ZEB1: variants seen among roughly 807,000 people sequenced by gnomAD.
ZEB1 encodes the protein zinc finger E-box-binding homeobox 1.
In ZEB1, 21 loss-of-function variants were observed where a neutral mutation model predicts 84.9. That is an observed-to-expected ratio of 0.25 (90% CI 0.18 to 0.36). ZEB1 has a LOEUF of 0.36. Among genes scored for constraint, ZEB1 ranks in the 10% least tolerant of loss-of-function variants. The pLI, the probability that ZEB1 is intolerant of heterozygous loss-of-function variation, is 1.00. For missense variants in ZEB1, 1,104 were observed against 1,330.2 expected (o/e 0.83, Z 2.65); for synonymous variants, 420 against 471.1 (o/e 0.89, Z 1.41).
intron 1 of ZEB1, among the ~76,000 whole-genome samples, chr10:31,449,001 C>T (rs2060177354): frequency 1.3e-5 from 2 of 152,244 alleles, no homozygotes; most frequent in East Asian, 1.9e-4. Context: ...GGCGGGCGCC[C>T]CTCCCCCAGC....
At chr10:31,339,483 T>C (rs1465679475) in intron 1 of ZEB1, among the ~76,000 whole-genome samples, 3 of 152,064 alleles carry the variant, frequency 2.0e-5, no homozygotes, top group Admixed American at 6.6e-5. Flanking sequence ...TAAGAACCTA[T>C]ATAAGGCCAG....
In ZEB1 at chr10:31,382,101, C is replaced by T. The variant is rs550629035; in HGVS notation, c.58+62809C>T. On this transcript the variant is annotated intron_variant, in intron 1 of 8. Transcript: ENST00000424869. ...GAGTCAAGAGACATGGCCTGGATCC[C>T]GTGACTTACACAAATCCCTGTGGCT... Among the ~76,000 whole-genome samples the T allele has an allele frequency of 2.6e-5, 4 of 151,780 alleles. No individual in the cohort carries two copies. The South Asian group carries it at 8.4e-4, about 32-fold the overall frequency.
intron 1 of ZEB1, among the ~76,000 whole-genome samples, chr10:31,364,776 CT>C (rs2044133857): frequency 6.6e-6 from 1 of 152,250 alleles, no homozygotes; most frequent in Non-Finnish European, 1.5e-5. Context: ...GATTCCACAG[CT>C]GGCGCTCTGG....
At chr10:31,322,249 A>G (rs965657172) in intron 1 of ZEB1, among the ~76,000 whole-genome samples, 2 of 152,234 alleles carry the variant, frequency 1.3e-5, no homozygotes, top group Non-Finnish European at 2.9e-5. Flanking sequence ...ACCTCAGTAT[A>G]TGTGCTGGTT....
At position 31,527,055 on chromosome 10, in the gene ZEB1, T is replaced by C. The variant is rs771715739; in HGVS notation, c.3169T>C (p.Cys1057Arg). Reference protein sequence around the residue: ...EMEELQEEKECEKPQGDEEEE... With the variant: ...EMEELQEEKEREKPQGDEEEE... ...GGAAGAATTGCAGGAAGAAAAAGAA[T>C]GTGAAAAACCACAAGGGGATGAGGA... The change falls in exon 9 of 9, where the codon TGT becomes CGT. Residue 1057 changes from cysteine (C) to arginine (R), a missense_variant. Coordinates refer to ENST00000424869, the MANE Select transcript of ZEB1 (RefSeq NM_001174096.2). The C allele has an allele frequency of 1.1e-5, 18 of 1,582,342 alleles. No individual in the cohort carries two copies. The highest frequency in any genetic ancestry group is 1.5e-5 in the Non-Finnish European group (17 of 1,162,732).
chr10:31,471,930 T>A (rs1216194060), intron 2 of ZEB1, among the ~76,000 whole-genome samples: 16 of 140,574 alleles, frequency 1.1e-4, no homozygotes, highest in Admixed American at 1.1e-3. Flanking sequence ...CTCAACTACA[T>A]GGAAACTGAA....
intron 1 of ZEB1, among the ~76,000 whole-genome samples, chr10:31,382,038 A>C (rs1273070079): frequency 6.7e-6 from 1 of 148,434 alleles, no homozygotes; most frequent in Non-Finnish European, 1.5e-5. Flanking sequence ...AAAAAAACAA[A>C]GTAAATTTCC....
intron 1 of ZEB1, chr10:31,387,364 T>G (rs185547300): frequency 3.9e-4 from 373 of 958,030 alleles, no homozygotes; most frequent in Middle Eastern, 3.2e-3. Flanking sequence ...CTTCAGACGT[T>G]CGCACAGAAG....
chr10:31,337,683 GTTTT>G (rs756379165), intron 1 of ZEB1, among the ~76,000 whole-genome samples: 6 of 98,796 alleles, frequency 6.1e-5, no homozygotes, highest in South Asian at 3.6e-4. Flanking sequence ...ATTTCTTTCT[GTTTT>G]TTTTTTTTTT....
intron 1 of ZEB1, among the ~76,000 whole-genome samples, chr10:31,426,413 C>T (rs1246491848): frequency 4.6e-5 from 7 of 152,188 alleles, no homozygotes; most frequent in Admixed American, 2.6e-4. Flanking sequence ...TTCATTGACT[C>T]GTAGTTCCTT....
rs978775046 is a variant in ZEB1 at position 31,527,662 on chromosome 10, C to T, written c.*398C>T. Reference sequence around the variant, plus strand: ...ATTATCACTCTTATGTTGGTTTATTCTTAAGCTGTACAATTGGGAGAAATT... The same window carrying T: ...ATTATCACTCTTATGTTGGTTTATTTTTAAGCTGTACAATTGGGAGAAATT... On this transcript the variant is annotated 3_prime_UTR_variant, in exon 9 of 9. Transcript: ENST00000424869. 5.7e-6 allele frequency: 1 copy of T among 176,798 alleles called. No individual in the cohort carries two copies. Among genetic ancestry groups the T allele is most frequent in the African/African-American group, 2.4e-5 (1 of 41,896 alleles). The allele number at this position is 176,798 out of a possible 1,614,324, so 11.0% of individuals were successfully genotyped here. A position where few individuals can be genotyped will look rare whatever the true frequency, so the allele number is the denominator to read the frequency against.
chr10:31,401,852 A>G (rs1292537756), intron 1 of ZEB1, among the ~76,000 whole-genome samples: 4 of 152,154 alleles, frequency 2.6e-5, no homozygotes, highest in Non-Finnish European at 5.9e-5. Flanking sequence ...TCCAACCATA[A>G]TAGGCAGTGG....
chr10:31,333,115 G>A (rs1245030823), intron 1 of ZEB1, among the ~76,000 whole-genome samples: 1 of 152,028 alleles, frequency 6.6e-6, no homozygotes, highest in Non-Finnish European at 1.5e-5. Flanking sequence ...TTCAAAAATG[G>A]TATAAAGCAG....
At chr10:31,321,409 G>T in intron 1 of ZEB1, 2 of 1,607,504 alleles carry the variant, frequency 1.2e-6, no homozygotes, top group Non-Finnish European at 1.7e-6. Flanking sequence ...ATTGTGGAGA[G>T]ATGACTTGTT....
At chr10:31,498,745 A>G (rs1416681574) in intron 3 of ZEB1, among the ~76,000 whole-genome samples, 1 of 152,034 alleles carries the variant, frequency 6.6e-6, no homozygotes, top group Non-Finnish European at 1.5e-5. Context: ...GTATATTAAT[A>G]CCTATTATCT....
At chr10:31,462,767 T>C (rs554954774) in intron 2 of ZEB1, among the ~76,000 whole-genome samples, 2 of 152,058 alleles carry the variant, frequency 1.3e-5, no homozygotes, top group Non-Finnish European at 2.9e-5. Flanking sequence ...AATTTATAAA[T>C]AAGTCTGGTG....
chr10:31,319,350 C>A, intron 1 of ZEB1, 58 bp downstream of exon 1: 2 of 1,552,806 alleles, frequency 1.3e-6, no homozygotes, highest in South Asian at 1.2e-5. Context: ...GCAGCCGGGG[C>A]GCCCCCGGGG....
At chr10:31,460,305 C>G (rs1289325027) in intron 1 of ZEB1, among the ~76,000 whole-genome samples, 1 of 151,992 alleles carries the variant, frequency 6.6e-6, no homozygotes, top group African/African-American at 2.4e-5. Flanking sequence ...GAAAAAGGTG[C>G]TCATTTGAAA....
Position 31,324,249 on chromosome 10 carries a change from C to T in ZEB1, c.58+4957C>T, listed in dbSNP as rs1312627810. 2.6e-5 allele frequency among the ~76,000 whole-genome samples: 4 copies of T among 151,982 alleles called. 1 individual carries two copies. Among genetic ancestry groups the T allele is most frequent in the Admixed American group, 2.6e-4 (4 of 15,268 alleles). On this transcript the variant is annotated intron_variant, in intron 1 of 8. Transcript: ENST00000424869. The stretch of plus-strand genomic sequence containing the variant: ...GTTTAATACTGTTTTCTTCCTTTCT[C>T]TAGTCTCTAGTATGTTTGAAATGGC...
Sources: gnomAD v4.1 joint callset for allele counts (sites outside exome capture counted in the v4.1 genomes callset) on GRCh38, gnomAD v4.1.1 for gene constraint, MANE v1.5 for transcripts, NCBI Gene and HGNC (gene_info 2026-07-23, HGNC 2026-07-21) for gene names.